ADAMTSL3: variants seen among roughly 807,000 people sequenced by gnomAD.
ADAMTSL3 encodes ADAMTS like 3, also known as ADAMTS-like protein 3.
A neutral mutation model predicts 201.7 loss-of-function variants in ADAMTSL3; 128 were observed. The observed-to-expected ratio is 0.63, with a 90% CI of 0.55 to 0.73. ADAMTSL3 has a LOEUF of 0.73. ADAMTSL3 is among the 30% of genes least tolerant of loss of function. ADAMTSL3 has a pLI of 0.00. For synonymous variants in ADAMTSL3, 738 were observed against 748.4 expected, an observed-to-expected ratio of 0.99 and a Z score of 0.23; for missense variants, 1,990 against 2,119.6, an observed-to-expected ratio of 0.94 and a Z score of 1.20.
chr15:83,949,398 T>C (rs1316605523), intron 19 of ADAMTSL3, among the ~76,000 whole-genome samples: 1 of 152,206 alleles, frequency 6.6e-6, no homozygotes, highest in Non-Finnish European at 1.5e-5. Context: ...CTTTTCTTTA[T>C]CCATTAGTCT....
chr15:83,797,278 C>A (rs1057197254), intron 4 of ADAMTSL3, among the ~76,000 whole-genome samples: 1 of 152,076 alleles, frequency 6.6e-6, no homozygotes, highest in Admixed American at 6.6e-5. Flanking sequence ...TAGTAAAAAA[C>A]AAATGAGAAT....
At chr15:83,968,794 T>C (rs1239878076) in intron 19 of ADAMTSL3, among the ~76,000 whole-genome samples, 2 of 151,916 alleles carry the variant, frequency 1.3e-5, no homozygotes, top group Non-Finnish European at 2.9e-5. Context: ...ATAAAGAAAA[T>C]GTGGAACACC....
chr15:83,942,224 C>T (rs2066574119), intron 17 of ADAMTSL3, among the ~76,000 whole-genome samples: 2 of 152,134 alleles, frequency 1.3e-5, no homozygotes, highest in South Asian at 2.1e-4. Flanking sequence ...CTGAAGTGTG[C>T]TTTTAAACAT....
At chr15:83,950,568 C>A (rs548913447) in intron 19 of ADAMTSL3, among the ~76,000 whole-genome samples, 1 of 152,122 alleles carries the variant, frequency 6.6e-6, no homozygotes, top group South Asian at 2.1e-4. Context: ...ATAGGGATTG[C>A]ATTGAATCTG....
At chr15:83,858,480 C>G (rs1271998426) in intron 7 of ADAMTSL3, among the ~76,000 whole-genome samples, 1 of 152,156 alleles carries the variant, frequency 6.6e-6, no homozygotes, top group Non-Finnish European at 1.5e-5. Flanking sequence ...TCCAGCAATT[C>G]TCCTGCCTCA....
At chr15:83,888,451 T>C (rs1030985320) in intron 10 of ADAMTSL3, among the ~76,000 whole-genome samples, 3 of 152,188 alleles carry the variant, frequency 2.0e-5, no homozygotes, top group African/African-American at 7.2e-5. Flanking sequence ...TGTACTTGTT[T>C]TGGGGAAAAT....
At chr15:83,964,009 T>G (rs542421027) in intron 19 of ADAMTSL3, among the ~76,000 whole-genome samples, 8 of 152,246 alleles carry the variant, frequency 5.3e-5, no homozygotes, top group South Asian at 2.1e-4. Context: ...AAACCCCACT[T>G]GAAGGTCATC....
At chr15:83,753,039 A>G (rs952401734) in intron 3 of ADAMTSL3, among the ~76,000 whole-genome samples, 2 of 152,128 alleles carry the variant, frequency 1.3e-5, no homozygotes, top group African/African-American at 4.8e-5. Context: ...TCTTCCAGTG[A>G]GATTAACCTT....
Position 83,872,739 on chromosome 15 carries a change from G to A in ADAMTSL3, c.960+1780G>A, listed in dbSNP as rs1237103345. Among the ~76,000 whole-genome samples, 2 of 109,774 alleles carry A rather than the reference G, an allele frequency of 1.8e-5. 1 individual carries two copies. Among genetic ancestry groups the A allele is most frequent in the Admixed American group, 1.6e-4 (2 of 12,662 alleles). 72.0% of individuals were successfully genotyped at this position (109,774 alleles called of 152,430 possible). A position where few individuals can be genotyped will look rare whatever the true frequency, so the allele number is the denominator to read the frequency against. Reference sequence around the variant, plus strand: ...TTAATACAATGATGAAACGAGGAAAGTACCCACAAAGATTAGTATTTCAAG... The same window carrying A: ...TTAATACAATGATGAAACGAGGAAAATACCCACAAAGATTAGTATTTCAAG... On this transcript the variant is annotated intron_variant, in intron 9 of 29. Transcript: ENST00000286744.
intron 5 of ADAMTSL3, among the ~76,000 whole-genome samples, chr15:83,815,102 A>G (rs1215868303): frequency 6.6e-6 from 1 of 151,274 alleles, no homozygotes; most frequent in African/African-American, 2.4e-5. Context: ...TCTTCCTCCT[A>G]TCCTTCTCCT....
rs147914990 is a variant in ADAMTSL3, at chr15:83,655,775, C to T, written c.14C>T (p.Thr5Met). 203 of 1,614,104 alleles carry T rather than the reference C, an allele frequency of 1.3e-4. No homozygotes were observed. Among genetic ancestry groups the T allele is most frequent in the Middle Eastern group, 3.3e-4 (2 of 6,062 alleles). Residue 5 changes from threonine to methionine, a missense_variant, in exon 2 of 30, where the codon ACG becomes ATG. By Grantham distance (81) the Thr-to-Met change is moderately conservative. Coordinates refer to ENST00000286744, the MANE Select transcript of ADAMTSL3 (RefSeq NM_207517.3). MASW[T>M]SPWWVLIGMV... ...AGACTAGACCCCATGGCTTCCTGGA[C>T]GAGCCCCTGGTGGGTGCTGATAGGG...
chr15:83,975,204 A>C (rs4842842), intron 20 of ADAMTSL3, among the ~76,000 whole-genome samples: 1 of 151,396 alleles, frequency 6.6e-6, no homozygotes, highest in Non-Finnish European at 1.5e-5. Context: ...GGGTTTCACC[A>C]TGTTAGCCAG....
At position 83,942,615 on chromosome 15, in the gene ADAMTSL3, G is replaced by C. The variant is rs34047645; in HGVS notation, c.2137G>C (p.Gly713Arg). The C allele has an allele frequency of 0.14, 233,171 of 1,612,952 alleles. 19,334 individuals are homozygous for C. The highest frequency in any genetic ancestry group is 0.17 in the Non-Finnish European group (195,517 of 1,179,586). ...TTTTAGGTGGCATGTGGGCTCTTGG[G>C]GGCCCTGCTCAGCTACCTGTGGAGT... ...CPPRWHVGSW[G>R]PCSATCGVGI... Residue 713 changes from glycine (G) to arginine (R), a missense_variant, in exon 18 of 30, where the codon GGG (glycine) becomes CGG (arginine). Physicochemically the swap from Gly to Arg is moderately radical, Grantham distance 125. Transcript: ENST00000286744.
intron 3 of ADAMTSL3, among the ~76,000 whole-genome samples, chr15:83,723,566 G>A (rs1435585022): frequency 6.6e-6 from 1 of 152,088 alleles, no homozygotes; most frequent in Non-Finnish European, 1.5e-5. Flanking sequence ...GTAGGGGAAT[G>A]GCCAAGTAAA....
chr15:83,907,868 G>C (rs1473684640), intron 15 of ADAMTSL3, among the ~76,000 whole-genome samples: 1 of 152,158 alleles, frequency 6.6e-6, no homozygotes, highest in Non-Finnish European at 1.5e-5. Context: ...TTGATATAAT[G>C]ATTTATTTTC....
intron 23 of ADAMTSL3, among the ~76,000 whole-genome samples, chr15:84,004,749 A>G (rs922563274): frequency 5.9e-5 from 9 of 152,220 alleles, no homozygotes; most frequent in Non-Finnish European, 4.4e-5. Context: ...TCAGCTGTCA[A>G]TGTCCAAGAG....
intron 4 of ADAMTSL3, among the ~76,000 whole-genome samples, chr15:83,795,046 G>A (rs185219779): frequency 1.2e-4 from 18 of 152,030 alleles, no homozygotes; most frequent in Admixed American, 2.6e-4. Flanking sequence ...TGGAGACAGC[G>A]TGTCACCATG....
intron 6 of ADAMTSL3, among the ~76,000 whole-genome samples, chr15:83,832,398 G>A (rs1246058006): frequency 6.6e-6 from 1 of 152,186 alleles, no homozygotes; most frequent in Non-Finnish European, 1.5e-5. Context: ...TTCTAATCAC[G>A]TTTTTGTGAT....
chr15:83,710,743 C>T (rs2061923212), intron 3 of ADAMTSL3, among the ~76,000 whole-genome samples: 1 of 152,134 alleles, frequency 6.6e-6, no homozygotes, highest in Non-Finnish European at 1.5e-5. Flanking sequence ...CTGTTTCCAT[C>T]CCAAAGGAGG....
Sources: allele counts gnomAD v4.1 joint callset (sites outside exome capture counted in the v4.1 genomes callset), GRCh38; gene constraint gnomAD v4.1.1; transcripts MANE v1.5; gene names NCBI Gene and HGNC (gene_info 2026-07-23, HGNC 2026-07-21).